Variants in SUMF1 observed in about 807,000 individuals in gnomAD.
SUMF1 encodes formylglycine-generating enzyme.
A neutral mutation model predicts 47.6 loss-of-function variants in SUMF1; 48 were observed. The observed-to-expected ratio is 1.01, with a 90% CI of 0.80 to 1.28. SUMF1 has a LOEUF of 1.28. Among genes scored for constraint, SUMF1 ranks in the 50% most tolerant of loss-of-function variants. SUMF1 has a pLI of 0.00. For missense variants in SUMF1, 571 were observed against 485.4 expected (o/e 1.18, Z -1.66); for synonymous variants, 230 against 192.1 (o/e 1.20, Z -1.63).
Position 4,442,739 on chromosome 3 carries a change from T to G in SUMF1, c.519+6527A>C, listed in dbSNP as rs942784555. Among the ~76,000 whole-genome samples the G allele has an allele frequency of 6.6e-5, 10 of 152,062 alleles. No individual in the cohort carries two copies. The East Asian group carries it at 1.5e-3, about 23-fold the overall frequency. On this transcript the variant is annotated intron_variant, in intron 3 of 8. Transcript: ENST00000272902. ...ACAGGAGGCCATCGTTTAAACACTATGTTGAGAACAACTAAGAGGGAGTTC... is the reference window on the plus strand; with the variant it reads ...ACAGGAGGCCATCGTTTAAACACTAGGTTGAGAACAACTAAGAGGGAGTTC...
chr3:4,162,144 T>A (rs1694591882), intron 8 of SUMF1, among the ~76,000 whole-genome samples: 1 of 152,110 alleles, frequency 6.6e-6, no homozygotes, highest in Non-Finnish European at 1.5e-5. Flanking sequence ...CAACTCTGTC[T>A]AATGCCCTAT....
intron 7 of SUMF1, among the ~76,000 whole-genome samples, chr3:4,410,523 T>C (rs1486704904): frequency 6.6e-6 from 1 of 152,234 alleles, no homozygotes; most frequent in Non-Finnish European, 1.5e-5. Flanking sequence ...CAGATCTTAA[T>C]AGTTCATAAT....
intron 8 of SUMF1, among the ~76,000 whole-genome samples, chr3:4,166,121 T>G (rs1694701250): frequency 6.6e-6 from 1 of 152,114 alleles, no homozygotes; most frequent in Non-Finnish European, 1.5e-5. Flanking sequence ...ACCCTTGTCT[T>G]TCCTCTTAGA....
intron 8 of SUMF1, among the ~76,000 whole-genome samples, chr3:4,089,193 C>T (rs1692732991): frequency 6.6e-6 from 1 of 152,130 alleles, no homozygotes; most frequent in Non-Finnish European, 1.5e-5. Flanking sequence ...AAGATCTAGA[C>T]TGGACATGGT....
intron 3 of SUMF1, among the ~76,000 whole-genome samples, chr3:4,434,469 A>C (rs1196563608): frequency 6.6e-6 from 1 of 152,246 alleles, no homozygotes; most frequent in African/African-American, 2.4e-5. Context: ...CAAATCTTAT[A>C]AATGCGCAAC....
At chr3:4,225,444 A>C (rs1329365258) in intron 8 of SUMF1, among the ~76,000 whole-genome samples, 1 of 152,164 alleles carries the variant, frequency 6.6e-6, no homozygotes, top group Admixed American at 6.5e-5. Flanking sequence ...CTTCACATAC[A>C]GTAAGCACCC....
chr3:4,059,858 G>C, intron 9 of SUMF1, among the ~76,000 whole-genome samples: 1 of 150,654 alleles, frequency 6.6e-6, no homozygotes, highest in East Asian at 1.9e-4. Flanking sequence ...ACCAGGGCAA[G>C]ACAAGGGGTG....
intron 7 of SUMF1, among the ~76,000 whole-genome samples, chr3:4,380,997 A>C (rs1322394696): frequency 6.6e-6 from 1 of 152,176 alleles, no homozygotes; most frequent in Non-Finnish European, 1.5e-5. Flanking sequence ...TGAGTCTGTA[A>C]GGAAGAGGGG....
chr3:4,376,849 G>A (rs1403454386), intron 7 of SUMF1, among the ~76,000 whole-genome samples: 3 of 152,128 alleles, frequency 2.0e-5, no homozygotes, highest in Non-Finnish European at 2.9e-5. Context: ...AGGCTGGAGT[G>A]CAGTGCTGTG....
chr3:4,410,713 G>A, intron 7 of SUMF1, 152 bp downstream of exon 7: 1 of 731,486 alleles, frequency 1.4e-6, no homozygotes. Context: ...GTTGAAATAA[G>A]AAACATGCGC....
Position 4,106,468 on chromosome 3 carries a change from T to C in SUMF1, c.1015-37723A>G, listed in dbSNP as rs1190404372. 1.3e-5 allele frequency among the ~76,000 whole-genome samples: 2 copies of C among 152,170 alleles called. 1 individual carries two copies. Among genetic ancestry groups the C allele is most frequent in the Non-Finnish European group, 2.9e-5 (2 of 68,042 alleles). On this transcript the variant is annotated intron_variant and NMD_transcript_variant, in intron 8 of 12. Coordinates refer to the SUMF1 transcript ENST00000448413. ...TTCACTAATGCCTCATTGTAGGTAA[T>C]AGTTTCCATCTCCACTATAACTCCC...
rs78151462 is a variant in SUMF1 at position 4,416,362 on chromosome 3, G to A, written c.840+766C>T. 3.0e-3 allele frequency among the ~76,000 whole-genome samples: 455 copies of A among 152,198 alleles called. 5 individuals carry two copies. Among genetic ancestry groups the A allele is most frequent in the African/African-American group, 0.011 (442 of 41,528 alleles). On this transcript the variant is annotated intron_variant, in intron 6 of 8. Coordinates refer to ENST00000272902, the MANE Select transcript of SUMF1 (RefSeq NM_182760.4). ...ATACATTGGGGTTTATTTATGACAG[G>A]TTATCCAGCTGCTGAAAGACAATGT...
intron 9 of SUMF1, among the ~76,000 whole-genome samples, chr3:4,063,905 A>G (rs949906979): frequency 1.3e-5 from 2 of 152,176 alleles, no homozygotes; most frequent in Admixed American, 6.5e-5. Context: ...TAGCTTAGAA[A>G]TAATAACACC....
At chr3:4,404,238 C>T (rs927714481) in intron 7 of SUMF1, among the ~76,000 whole-genome samples, 2 of 152,146 alleles carry the variant, frequency 1.3e-5, no homozygotes, top group Non-Finnish European at 2.9e-5. Context: ...ATTCATCTTC[C>T]ACTAGGGAGA....
chr3:4,073,921 A>G (rs1455959049), intron 8 of SUMF1, among the ~76,000 whole-genome samples: 1 of 152,188 alleles, frequency 6.6e-6, no homozygotes, highest in Admixed American at 6.5e-5. Flanking sequence ...TCAATATTAG[A>G]CAGATCAAGG....
At chr3:4,347,079 T>C (rs13327724) in intron 8 of SUMF1, among the ~76,000 whole-genome samples, 27,875 of 152,070 alleles carry the variant, frequency 0.18, 2,663 homozygotes, top group Middle Eastern at 0.25. Context: ...ACCAGACAGA[T>C]TCACAGCTGG....
chr3:4,308,782 A>T (rs1206989960), intron 8 of SUMF1, among the ~76,000 whole-genome samples: 1 of 152,140 alleles, frequency 6.6e-6, no homozygotes, highest in Non-Finnish European at 1.5e-5. Flanking sequence ...CTAACCTCCT[A>T]ATTGAAGACA....
chr3:4,350,369 ATAATTGTGTGTG>A (rs1559237582), intron 8 of SUMF1, among the ~76,000 whole-genome samples: 66 of 150,500 alleles, frequency 4.4e-4, no homozygotes, highest in African/African-American at 1.3e-3. Context: ...TTGTGTGTGT[ATAATTGTGTGTG>A]TATAATTGTG....
At chr3:4,393,463 G>C (rs1330712856) in intron 7 of SUMF1, among the ~76,000 whole-genome samples, 5 of 152,056 alleles carry the variant, frequency 3.3e-5, no homozygotes, top group Non-Finnish European at 1.5e-5. Context: ...CTCCTGAATA[G>C]CTGGGACTAC....
Sources: allele counts gnomAD v4.1 joint callset (sites outside exome capture counted in the v4.1 genomes callset), GRCh38; gene constraint gnomAD v4.1.1; transcripts MANE v1.5; gene names NCBI Gene and HGNC (gene_info 2026-07-23, HGNC 2026-07-21).